Variants in TMEM209 observed in about 807,000 individuals in gnomAD.
TMEM209 encodes testicular tissue protein Li 202.
TMEM209 carries 65 observed loss-of-function variants against 76.2 expected under a neutral mutation model. The observed-to-expected ratio is 0.85, with a 90% confidence interval of 0.70 to 1.05. The LOEUF is 1.05. Ranked by LOEUF, TMEM209 falls within the 50% of genes least tolerant of loss-of-function variation. TMEM209 has a pLI of 0.00. For missense variants in TMEM209, 623 were observed against 685.5 expected, an observed-to-expected ratio of 0.91 and a Z score of 1.02; for synonymous variants, 239 against 237.6, an observed-to-expected ratio of 1.01 and a Z score of -0.06.
chr7:130,169,681 C>T (rs528265533), intron 14 of TMEM209, among the ~76,000 whole-genome samples: 34 of 152,112 alleles, frequency 2.2e-4, no homozygotes, highest in East Asian at 1.9e-3. Flanking sequence ...AACTTAAAGA[C>T]GCATGCATAT....
In TMEM209 at chr7:130,181,619, A is replaced by C; in HGVS notation, c.1120+4T>G. 1.2e-6 allele frequency: 2 copies of C among 1,609,490 alleles called. No individual in the cohort carries two copies. Among genetic ancestry groups the C allele is most frequent in the Non-Finnish European group, 8.5e-7 (1 of 1,177,772 alleles). ...ATCCAACACTGGGCTCTGTTTTCAC[A>C]TACCTCCTATCTGTAGCTCTGGACA... On this transcript the variant is annotated splice_donor_region_variant and intron_variant, in intron 9 of 14. Coordinates refer to ENST00000397622, the MANE Select transcript of TMEM209 (RefSeq NM_032842.4).
In TMEM209 at chr7:130,166,443, A is replaced by C. The variant is rs1796884771; in HGVS notation, c.*8T>G. 3.9e-6 allele frequency: 6 copies of C among 1,543,916 alleles called. No homozygotes were observed. The highest frequency in any genetic ancestry group is 5.2e-6 in the Non-Finnish European group (6 of 1,143,810). On this transcript the variant is annotated 3_prime_UTR_variant, in exon 15 of 15. Coordinates refer to ENST00000397622, the MANE Select transcript of TMEM209 (RefSeq NM_032842.4). ...TAGTCTAAATGTCAGAATTAAATAT[A>C]TGACTTGCTACTCGCCAAAGATCCA...
chr7:130,197,929 T>A (rs972047818), intron 5 of TMEM209, among the ~76,000 whole-genome samples: 1 of 152,238 alleles, frequency 6.6e-6, no homozygotes, highest in African/African-American at 2.4e-5. Context: ...AATAGCTTTA[T>A]TGAGATATAA....
intron 1 of TMEM209, 117 bp from the exon 2 acceptor site, chr7:130,204,227 T>A: frequency 8.7e-7 from 1 of 1,144,064 alleles, no homozygotes; most frequent in Non-Finnish European, 1.2e-6. Context: ...CTCTCATCTT[T>A]AAAATGTTTT....
intron 5 of TMEM209, chr7:130,199,935 GGAGGCT>G (rs566373630): frequency 1.5e-4 from 23 of 152,176 alleles, no homozygotes; most frequent in Admixed American, 1.2e-3. Context: ...GTAATTCAAA[GGAGGCT>G]CCAAGTCAAT....
At position 130,184,269 on chromosome 7, in the gene TMEM209, T is replaced by C. The variant is rs747332812; in HGVS notation, c.952-14A>G. 24 of 1,571,626 alleles carry C rather than the reference T, an allele frequency of 1.5e-5. No homozygotes were observed. Among genetic ancestry groups the C allele is most frequent in the African/African-American group, 6.8e-5 (5 of 73,970 alleles). ...TCTTGCCCAGACCTATAAAAATTCA[T>C]GTTTAAAATGAACAATCAGTGAGGA... On this transcript the variant is annotated splice_polypyrimidine_tract_variant and intron_variant, in intron 7 of 14. Transcript: ENST00000397622.
chr7:130,190,078 C>T (rs1322853714), intron 6 of TMEM209, among the ~76,000 whole-genome samples: 1 of 152,056 alleles, frequency 6.6e-6, no homozygotes, highest in Non-Finnish European at 1.5e-5. Context: ...ATCCCACTAG[C>T]CCAATCTGAG....
rs1487119828 is a variant in TMEM209 at position 130,193,444 on chromosome 7, A to C, written c.574-621T>G. ...TCCCAGCTACTCGGGAGGCTGAGGC[A>C]GGAGAATCGCTTAAACCCCGGGAGG... On this transcript the variant is annotated intron_variant, in intron 5 of 14. Coordinates refer to ENST00000397622, the MANE Select transcript of TMEM209 (RefSeq NM_032842.4). Among the ~76,000 whole-genome samples the C allele has an allele frequency of 2.0e-5, 3 of 152,134 alleles. No homozygotes were observed. In the East Asian group the frequency reaches 5.8e-4, roughly 29 times the overall value.
In TMEM209 at chr7:130,164,774, C is replaced by T. The variant is rs1244859395; in HGVS notation, c.*1677G>A. The T allele has an allele frequency of 6.6e-6, 1 of 152,120 alleles. No individual in the cohort carries two copies. Among genetic ancestry groups the T allele is most frequent in the Non-Finnish European group, 1.5e-5 (1 of 67,996 alleles). The allele number at this position is 152,120 out of a possible 1,614,324, so 9.4% of individuals were successfully genotyped here. ...GAAGTATATGCAACTAGTTTAACAGCATGACAATTGTTATTCCAAGACATC... is the reference window on the plus strand; with the variant it reads ...GAAGTATATGCAACTAGTTTAACAGTATGACAATTGTTATTCCAAGACATC... On this transcript the variant is annotated 3_prime_UTR_variant, in exon 15 of 15. Coordinates refer to ENST00000397622, the MANE Select transcript of TMEM209 (RefSeq NM_032842.4).
chr7:130,195,925 T>C (rs556344330), intron 5 of TMEM209, among the ~76,000 whole-genome samples: 7 of 152,270 alleles, frequency 4.6e-5, no homozygotes, highest in African/African-American at 1.4e-4. Context: ...ATTTTATCTT[T>C]TCAATAACAG....
chr7:130,176,937 T>C (rs1797255477), intron 10 of TMEM209, among the ~76,000 whole-genome samples: 1 of 146,480 alleles, frequency 6.8e-6, no homozygotes. Context: ...AGGATTGCCA[T>C]AGCCAGGAGT....
At position 130,202,078 on chromosome 7, in the gene TMEM209, C is replaced by T. The variant is rs369657583; in HGVS notation, c.345G>A (p.Thr115=). 108 of 1,611,896 alleles carry T rather than the reference C, an allele frequency of 6.7e-5. No individual in the cohort carries two copies. Among genetic ancestry groups the T allele is most frequent in the Non-Finnish European group, 8.4e-5 (99 of 1,179,192 alleles). ...LGLKTAVVQT[T]PPHDLAATQI... is the part of the protein sequence containing the mutation. ...GGGTTGCTGCCAGATCATGTGGAGG[C>T]GTAGTCTGTACAACTAGAAGGAAAA... The change falls in exon 5 of 15, where the codon ACG becomes ACA. Residue 115 remains threonine (T), a synonymous_variant. Transcript: ENST00000397622.
intron 5 of TMEM209, among the ~76,000 whole-genome samples, chr7:130,201,398 C>T (rs1256882367): frequency 6.6e-6 from 1 of 151,910 alleles, no homozygotes; most frequent in South Asian, 2.1e-4. Flanking sequence ...TGGAAAGCGT[C>T]CATATTCAAG....
At chr7:130,188,373 G>A (rs1330510831) in intron 6 of TMEM209, among the ~76,000 whole-genome samples, 4 of 152,070 alleles carry the variant, frequency 2.6e-5, no homozygotes, top group African/African-American at 4.8e-5. Context: ...AAGGCGGGCG[G>A]ATCACAAGGT....
rs1301843663 is a variant in TMEM209 at position 130,188,454 on chromosome 7, GGCGTGGTGGCAGGCA to G, written c.776-3102_776-3088del. On this transcript the variant is annotated intron_variant, in intron 6 of 14. Transcript: ENST00000397622. ...TACTAAAAATACAAAAAATTAGCCA[GGCGTGGTGGCAGGCA>G]CCTGTAGTCCCAGCTACTCGGGAGG... 2.0e-5 allele frequency among the ~76,000 whole-genome samples: 3 copies of G among 151,904 alleles called. No homozygotes were observed. In the East Asian group the frequency reaches 5.8e-4, roughly 29 times the overall value.
In TMEM209 at chr7:130,175,540, C is replaced by T; in HGVS notation, c.1316G>A (p.Trp439Ter). 1 of 1,612,988 alleles carries T rather than the reference C, an allele frequency of 6.2e-7. No individual in the cohort carries two copies. The change falls in exon 11 of 15, where the codon TGG becomes TAG. Residue 439 changes from tryptophan (W) to a stop codon, truncating the protein, a stop_gained. Transcript: ENST00000397622. LOFTEE classifies it high-confidence loss of function. ...AGAATCGGTGGGCAGGTCTGTATCC[C>T]ACTTTCGTCCTTTGAAGTCGCCACC... ...NRGGDFKGRK[W>*]DTDLPTDSAI...
At chr7:130,205,198 C>A in intron 1 of TMEM209, 175 bp downstream of exon 1, 2 of 1,541,504 alleles carry the variant, frequency 1.3e-6, no homozygotes, top group South Asian at 1.2e-5. Flanking sequence ...CCCTCCCCGG[C>A]TCCTGGGCAC....
At chr7:130,189,095 G>T (rs1346675184) in intron 6 of TMEM209, among the ~76,000 whole-genome samples, 1 of 150,360 alleles carries the variant, frequency 6.7e-6, no homozygotes, top group East Asian at 1.9e-4. Context: ...ATCAATAAAA[G>T]AAAAAAAAAG....
chr7:130,170,254 C>G (rs1364753793), intron 14 of TMEM209, 146 bp downstream of exon 14: 2 of 643,810 alleles, frequency 3.1e-6, no homozygotes, highest in African/African-American at 3.7e-5. Context: ...CCCAAAATAG[C>G]AGAGGTAGTC....
Sources: allele counts gnomAD v4.1 joint callset (sites outside exome capture counted in the v4.1 genomes callset), GRCh38; gene constraint gnomAD v4.1.1; transcripts MANE v1.5; gene names NCBI Gene and HGNC (gene_info 2026-07-23, HGNC 2026-07-21).